ZFHX3: variants seen among roughly 807,000 people sequenced by gnomAD.
ZFHX3 encodes zinc finger homeobox 3.
ZFHX3 carries 42 observed loss-of-function variants against 279.1 expected under a neutral mutation model. The observed-to-expected ratio is 0.15, with a 90% CI of 0.12 to 0.19. The LOEUF (loss-of-function observed/expected upper bound fraction) is 0.19, where lower values mean the gene tolerates loss of function less well. ZFHX3 is among the 10% of genes least tolerant of loss of function. The probability of loss-of-function intolerance (pLI) is 1.00; values close to 1 mark genes in which losing one functional copy is unlikely to be tolerated. For synonymous variants in ZFHX3, 2,293 were observed against 1,957.8 expected (o/e 1.17, Z -4.52); for missense variants, 4,981 against 4,754.0 (o/e 1.05, Z -1.40).
chr16:73,595,216 C>G (rs1567528527), intron 2 of ZFHX3, among the ~76,000 whole-genome samples: 1 of 152,160 alleles, frequency 6.6e-6, no homozygotes, highest in Non-Finnish European at 1.5e-5. Context: ...AAGCTCAAGA[C>G]TGCTTACCCG....
intron 1 of ZFHX3, among the ~76,000 whole-genome samples, chr16:73,764,037 C>T (rs1307672318): frequency 6.6e-6 from 1 of 152,182 alleles, no homozygotes; most frequent in Non-Finnish European, 1.5e-5. Context: ...GAGAACCTAG[C>T]TCAGCAGGGC....
At chr16:73,005,323 A>C (rs1464126221) in intron 1 of ZFHX3, among the ~76,000 whole-genome samples, 1 of 151,582 alleles carries the variant, frequency 6.6e-6, no homozygotes, top group Non-Finnish European at 1.5e-5. Flanking sequence ...GGTGAAACCC[A>C]GTCTCTACTA....
At chr16:73,841,392 G>A (rs970692852) in intron 1 of ZFHX3, among the ~76,000 whole-genome samples, 1 of 152,174 alleles carries the variant, frequency 6.6e-6, no homozygotes, top group Admixed American at 6.5e-5. Flanking sequence ...GCCATAGACT[G>A]CAGGGGAGAC....
chr16:73,157,464 G>GGAAAAAAAAAAAAA (rs554099254), intron 5 of ZFHX3, among the ~76,000 whole-genome samples: 1 of 22,036 alleles, frequency 4.5e-5, no homozygotes, highest in African/African-American at 5.1e-4. Flanking sequence ...GGAATGTTTG[G>GGAAAAAAAAAAAAA]TAAAAAAAAA....
At chr16:73,698,648 A>G (rs1329589839) in intron 1 of ZFHX3, among the ~76,000 whole-genome samples, 1 of 152,144 alleles carries the variant, frequency 6.6e-6, no homozygotes, top group Admixed American at 6.5e-5. Flanking sequence ...ATGGGTAAAC[A>G]CTGGAAGAAT....
intron 3 of ZFHX3, among the ~76,000 whole-genome samples, chr16:72,945,126 G>A (rs1312819389): frequency 6.6e-6 from 1 of 152,118 alleles, no homozygotes; most frequent in East Asian, 1.9e-4. Context: ...CTGAGAGTGT[G>A]AAATACAACC....
chr16:72,989,539 T>C lies in ZFHX3; in HGVS notation c.-49-29345A>G, dbSNP rs573015094. Among the ~76,000 whole-genome samples the C allele has an allele frequency of 7.9e-5, 12 of 151,584 alleles. No homozygotes were observed. The South Asian group carries it at 2.5e-3, about 32-fold the overall frequency. On this transcript the variant is annotated intron_variant, in intron 1 of 9. Transcript: ENST00000268489. ...CCACCAGCCAATGCGAGAAGCAGGCTAAGAACACGCATACTAGGTAAGTGG... is the reference window on the plus strand; with the variant it reads ...CCACCAGCCAATGCGAGAAGCAGGCCAAGAACACGCATACTAGGTAAGTGG...
intron 3 of ZFHX3, among the ~76,000 whole-genome samples, chr16:72,945,693 G>C (rs1047592558): frequency 5.9e-5 from 9 of 152,060 alleles, no homozygotes; most frequent in African/African-American, 1.9e-4. Flanking sequence ...CTAATAATGA[G>C]AAAACAAGGT....
chr16:73,773,718 T>A (rs549645076), intron 1 of ZFHX3, among the ~76,000 whole-genome samples: 2 of 152,132 alleles, frequency 1.3e-5, no homozygotes, highest in Admixed American at 1.3e-4. Flanking sequence ...GTGTTAGTTA[T>A]GTGAAGTTGT....
At chr16:73,078,780 G>C (rs1015829550) in intron 8 of ZFHX3, among the ~76,000 whole-genome samples, 2 of 151,986 alleles carry the variant, frequency 1.3e-5, no homozygotes, top group Middle Eastern at 3.2e-3. Flanking sequence ...GAGTAGCTGG[G>C]ACTACAGGCG....
chr16:73,715,695 C>T (rs763933487), intron 1 of ZFHX3, among the ~76,000 whole-genome samples: 1 of 151,628 alleles, frequency 6.6e-6, no homozygotes, highest in African/African-American at 2.4e-5. Context: ...CCTCAGCCCC[C>T]CAAGTAGCTG....
intron 3 of ZFHX3, among the ~76,000 whole-genome samples, chr16:72,925,326 CG>C (rs1317550321): frequency 6.6e-6 from 1 of 152,192 alleles, no homozygotes; most frequent in Non-Finnish European, 1.5e-5. Flanking sequence ...ACCCTGTCAA[CG>C]GTTCCATCAC....
In ZFHX3 at chr16:73,271,659, C is replaced by T. The variant is rs370947068; in HGVS notation, c.-1193-14523G>A. On this transcript the variant is annotated intron_variant, in intron 4 of 17. Coordinates refer to the ZFHX3 transcript ENST00000641206. Reference sequence around the variant, plus strand: ...GTATAGCTTTCAAATGAAGATGAAACGAGAGGATGGTTAAGTTTCTGCTGC... The same window carrying T: ...GTATAGCTTTCAAATGAAGATGAAATGAGAGGATGGTTAAGTTTCTGCTGC... 2.1e-4 allele frequency among the ~76,000 whole-genome samples: 32 copies of T among 152,276 alleles called. 1 individual carries two copies. The highest frequency in any genetic ancestry group is 1.5e-3 in the South Asian group (7 of 4,820).
chr16:73,131,271 A>T (rs557464923), intron 6 of ZFHX3, among the ~76,000 whole-genome samples: 2 of 152,188 alleles, frequency 1.3e-5, no homozygotes, highest in South Asian at 2.1e-4. Context: ...TAAATCATTT[A>T]AAAAAAACAA....
At chr16:73,880,427 T>A (rs1005643311) in intron 1 of ZFHX3, among the ~76,000 whole-genome samples, 4 of 152,184 alleles carry the variant, frequency 2.6e-5, no homozygotes, top group Admixed American at 1.3e-4. Context: ...GTACAACATT[T>A]TAATTTCAGG....
intron 5 of ZFHX3, 96 bp downstream of exon 5, chr16:72,829,683 C>G: frequency 1.4e-6 from 2 of 1,414,514 alleles, no homozygotes; most frequent in Admixed American, 3.5e-5. Flanking sequence ...TATCCGCTCC[C>G]TGACTTGTTA....
chr16:73,682,901 A>G (rs1567550549), intron 1 of ZFHX3, among the ~76,000 whole-genome samples: 4 of 20,662 alleles, frequency 1.9e-4, no homozygotes, highest in Non-Finnish European at 3.1e-4. Flanking sequence ...AAAGAAAGAA[A>G]GAAAGAGAAA....
intron 1 of ZFHX3, among the ~76,000 whole-genome samples, chr16:73,760,525 CA>C: frequency 6.6e-6 from 1 of 151,760 alleles, no homozygotes; most frequent in Non-Finnish European, 1.5e-5. Flanking sequence ...CAAAACCTGA[CA>C]AAAAAAGAAA....
At chr16:73,210,744 T>C (rs2011982590) in intron 5 of ZFHX3, among the ~76,000 whole-genome samples, 1 of 152,152 alleles carries the variant, frequency 6.6e-6, no homozygotes, top group South Asian at 2.1e-4. Context: ...CTCAGAGTCA[T>C]GAGGCTCCTC....
Sources: gnomAD v4.1 joint callset for allele counts (sites outside exome capture counted in the v4.1 genomes callset) on GRCh38, gnomAD v4.1.1 for gene constraint, MANE v1.5 for transcripts, NCBI Gene and HGNC (gene_info 2026-07-23, HGNC 2026-07-21) for gene names.